The following CMKLR1 variants were observed in gnomAD, a reference collection of about 807,000 sequenced individuals.
The protein encoded by CMKLR1 is chemerin chemokine-like receptor 1.
CMKLR1 carries 6 observed loss-of-function variants against 8.2 expected under a neutral mutation model. That is an observed-to-expected ratio of 0.73 (90% CI 0.40 to 1.44). The LOEUF (loss-of-function observed/expected upper bound fraction) is 1.44. Among genes scored for constraint, CMKLR1 ranks in the 40% most tolerant of loss-of-function variants. The probability of loss-of-function intolerance (pLI) is 0.02; values close to 1 mark genes in which losing one functional copy is unlikely to be tolerated. For missense variants in CMKLR1, 429 were observed against 478.0 expected (o/e 0.90, Z 0.96); for synonymous variants, 178 against 181.2 (o/e 0.98, Z 0.14).
chr12:108,325,436 G>T (rs1030394985), intron 2 of CMKLR1, among the ~76,000 whole-genome samples: 1 of 151,112 alleles, frequency 6.6e-6, no homozygotes, highest in Non-Finnish European at 1.5e-5. Context: ...TAGACTCCTG[G>T]CAGGTGCAAG....
chr12:108,300,375 A>C (rs987479349), intron 2 of CMKLR1, among the ~76,000 whole-genome samples: 1 of 152,238 alleles, frequency 6.6e-6, no homozygotes, highest in Non-Finnish European at 1.5e-5. Flanking sequence ...CAATTGCAAA[A>C]GTAGTACAGA....
intron 2 of CMKLR1, among the ~76,000 whole-genome samples, chr12:108,322,138 T>C (rs899109843): frequency 6.6e-6 from 1 of 152,192 alleles, no homozygotes; most frequent in East Asian, 1.9e-4. Context: ...TGGCTCTTTC[T>C]AAATGTGGAG....
chr12:108,291,760 G>T lies in CMKLR1; in HGVS notation c.*81C>A. 8 of 1,403,218 alleles carry T rather than the reference G, an allele frequency of 5.7e-6. No homozygotes were observed. Among genetic ancestry groups the T allele is most frequent in the Non-Finnish European group, 6.8e-6 (7 of 1,025,872 alleles). The allele number at this position is 1,403,218 out of a possible 1,614,324, so 86.9% of individuals were successfully genotyped here. ...GTGAAAATTGGTGGATGCTAAAGAG[G>T]TTCTTGCCTTGATCTTCAGAAGACA... On this transcript the variant is annotated 3_prime_UTR_variant, in exon 4 of 4. Coordinates refer to ENST00000550402, the MANE Select transcript of CMKLR1 (RefSeq NM_001142343.2).
intron 1 of CMKLR1, among the ~76,000 whole-genome samples, chr12:108,332,675 C>A (rs1892136805): frequency 6.6e-6 from 1 of 152,186 alleles, no homozygotes; most frequent in African/African-American, 2.4e-5. Context: ...GGGACTCAGA[C>A]TGATTCTCCT....
intron 1 of CMKLR1, among the ~76,000 whole-genome samples, chr12:108,338,079 G>C (rs1204166354): frequency 3.3e-5 from 5 of 152,218 alleles, no homozygotes; most frequent in Non-Finnish European, 7.3e-5. Context: ...GAACCGCACA[G>C]GTCTGAGTGA....
chr12:108,304,997 C>G (rs1414153540), intron 2 of CMKLR1, among the ~76,000 whole-genome samples: 3 of 152,214 alleles, frequency 2.0e-5, no homozygotes, highest in African/African-American at 7.2e-5. Flanking sequence ...CCATCTTCTC[C>G]CCACATGACC....
At chr12:108,324,460 G>C (rs114267273) in intron 2 of CMKLR1, among the ~76,000 whole-genome samples, 1,886 of 152,184 alleles carry the variant, frequency 0.012, 40 homozygotes, top group African/African-American at 0.042. Context: ...ACTCCCCTCA[G>C]ACCTGAAAAT....
At chr12:108,315,064 A>G (rs1304412408) in intron 2 of CMKLR1, among the ~76,000 whole-genome samples, 2 of 151,240 alleles carry the variant, frequency 1.3e-5, no homozygotes, top group South Asian at 2.1e-4. Context: ...CAGCCTCCCA[A>G]GTAGCTGAGA....
chr12:108,319,754 C>G (rs1413282722), intron 2 of CMKLR1, among the ~76,000 whole-genome samples: 1 of 152,152 alleles, frequency 6.6e-6, no homozygotes, highest in African/African-American at 2.4e-5. Flanking sequence ...CTTGGCCTCA[C>G]ACATAAATGT....
chr12:108,325,687 G>A (rs890536408), intron 2 of CMKLR1, among the ~76,000 whole-genome samples: 7 of 152,050 alleles, frequency 4.6e-5, no homozygotes, highest in African/African-American at 1.4e-4. Context: ...ATCAAGCAAG[G>A]AAGTCAAGGA....
chr12:108,298,040 C>G (rs537051179), intron 2 of CMKLR1, among the ~76,000 whole-genome samples: 8 of 152,282 alleles, frequency 5.3e-5, no homozygotes, highest in African/African-American at 1.9e-4. Context: ...AACAATGTTG[C>G]TTCTCTTGAG....
At chr12:108,311,541 G>C (rs185762318) in intron 2 of CMKLR1, among the ~76,000 whole-genome samples, 1 of 152,306 alleles carries the variant, frequency 6.6e-6, no homozygotes, top group South Asian at 2.1e-4. Context: ...TGGGAGGCTC[G>C]CTTGAGCCCA....
chr12:108,320,010 T>C (rs752827116), intron 2 of CMKLR1, among the ~76,000 whole-genome samples: 30 of 152,088 alleles, frequency 2.0e-4, no homozygotes, highest in South Asian at 6.2e-4. Flanking sequence ...GAGTAAATCA[T>C]GACAGAGTAA....
intron 1 of CMKLR1, among the ~76,000 whole-genome samples, chr12:108,335,439 T>G (rs11113825): frequency 0.014 from 2,130 of 152,312 alleles, 39 homozygotes; most frequent in South Asian, 0.053. Context: ...GACCACCAGA[T>G]GAGTCACTGA....
At chr12:108,307,131 G>A (rs953472907) in intron 2 of CMKLR1, among the ~76,000 whole-genome samples, 3 of 152,214 alleles carry the variant, frequency 2.0e-5, no homozygotes, top group Non-Finnish European at 1.5e-5. Context: ...CCTGACGTCA[G>A]CCTTGGGTCC....
In CMKLR1 at chr12:108,290,353, C is replaced by A. The variant is rs1890929079; in HGVS notation, c.*1488G>T. 1 of 152,184 alleles carries A rather than the reference C, an allele frequency of 6.6e-6. No individual in the cohort carries two copies. Among genetic ancestry groups the A allele is most frequent in the Non-Finnish European group, 1.5e-5 (1 of 68,046 alleles). The allele number at this position is 152,184 out of a possible 1,614,324, so 9.4% of individuals were successfully genotyped here. A position where few individuals can be genotyped will look rare whatever the true frequency, so the allele number is the denominator to read the frequency against. On this transcript the variant is annotated 3_prime_UTR_variant, in exon 4 of 4. Transcript: ENST00000550402. ...CAAGTTACTTAACCTCTCTAAGCCT[C>A]AGATTCCTCCTATGTAAAAGGGAAG...
intron 2 of CMKLR1, among the ~76,000 whole-genome samples, chr12:108,311,990 T>C (rs905111915): frequency 6.6e-6 from 1 of 152,152 alleles, no homozygotes; most frequent in Non-Finnish European, 1.5e-5. Context: ...TCCACAAGCA[T>C]CCCCTTGCTT....
chr12:108,311,801 G>A (rs1037153462), intron 2 of CMKLR1, among the ~76,000 whole-genome samples: 1 of 152,170 alleles, frequency 6.6e-6, no homozygotes, highest in Non-Finnish European at 1.5e-5. Flanking sequence ...CCCAGGACAG[G>A]GCTGCAGGAC....
rs1350007337 is a variant in CMKLR1, at chr12:108,339,063, G to A, written c.-323C>T. 1.3e-5 allele frequency: 2 copies of A among 152,228 alleles called. No individual in the cohort carries two copies. Among genetic ancestry groups the A allele is most frequent in the African/African-American group, 2.4e-5 (1 of 41,454 alleles). 9.4% of individuals were successfully genotyped at this position (152,228 alleles called of 1,614,324 possible). On this transcript the variant is annotated 5_prime_UTR_variant, in exon 1 of 4. Coordinates refer to ENST00000550402, the MANE Select transcript of CMKLR1 (RefSeq NM_001142343.2). Reference sequence around the variant, plus strand: ...TCTCTGCCCGGAAGGTCTTCCTGAGGGTTCCCTGTGACTGCAGGCCACTCG... The same window carrying A: ...TCTCTGCCCGGAAGGTCTTCCTGAGAGTTCCCTGTGACTGCAGGCCACTCG...
Sources: gnomAD v4.1 joint callset for allele counts (sites outside exome capture counted in the v4.1 genomes callset) on GRCh38, gnomAD v4.1.1 for gene constraint, MANE v1.5 for transcripts, NCBI Gene and HGNC (gene_info 2026-07-23, HGNC 2026-07-21) for gene names.